The following SLC35F3 variants were observed in gnomAD, a reference collection of about 807,000 sequenced individuals.
The protein encoded by SLC35F3 is solute carrier family 35 member F3.
A neutral mutation model predicts 49.9 loss-of-function variants in SLC35F3; 25 were observed. That is an observed-to-expected ratio of 0.50 (90% confidence interval 0.37 to 0.70). The LOEUF (loss-of-function observed/expected upper bound fraction) is 0.70, where lower values mean the gene tolerates loss of function less well. Ranked by LOEUF, SLC35F3 falls within the 30% of genes least tolerant of loss-of-function variation. SLC35F3 has a pLI of 0.00. For missense variants in SLC35F3, 525 were observed against 639.8 expected, an observed-to-expected ratio of 0.82 and a Z score of 1.94; for synonymous variants, 275 against 265.4, an observed-to-expected ratio of 1.04 and a Z score of -0.35.
chr1:234,150,188 G>T (rs945977257), intron 2 of SLC35F3, among the ~76,000 whole-genome samples: 4 of 152,342 alleles, frequency 2.6e-5, no homozygotes, highest in Admixed American at 2.6e-4. Context: ...TTTAAATTGT[G>T]CTCAAATGGA....
intron 2 of SLC35F3, among the ~76,000 whole-genome samples, chr1:234,228,648 A>C (rs1376194386): frequency 6.6e-6 from 1 of 152,114 alleles, no homozygotes; most frequent in Non-Finnish European, 1.5e-5. Context: ...AAAGATAAAA[A>C]CACAGTGTGA....
chr1:234,150,963 CG>C (rs1028661936), intron 2 of SLC35F3, among the ~76,000 whole-genome samples: 2 of 152,120 alleles, frequency 1.3e-5, no homozygotes, highest in Non-Finnish European at 2.9e-5. Flanking sequence ...TTAAGAAGCA[CG>C]CTAAAACTGG....
chr1:234,214,519 G>A lies in SLC35F3; in HGVS notation c.284-16898G>A. The A allele has an allele frequency of 6.4e-7, 1 of 1,551,766 alleles. No individual in the cohort carries two copies. Among genetic ancestry groups the A allele is most frequent in the Non-Finnish European group, 8.7e-7 (1 of 1,151,304 alleles). On this transcript the variant is annotated intron_variant, in intron 2 of 7. Transcript: ENST00000366618. The surrounding 1 kb of genome is among the most constrained non-coding windows in gnomAD (Gnocchi z 8.0). ...TCATCATGAAGAAGCACTCGGCCCGGGTGGCCCCGCTCAGCGCCTGCAACA... is the reference window on the plus strand; with the variant it reads ...TCATCATGAAGAAGCACTCGGCCCGAGTGGCCCCGCTCAGCGCCTGCAACA...
At chr1:234,213,991 TC>T (rs2102941354) in intron 2 of SLC35F3, 1 of 165,124 alleles carries the variant, frequency 6.1e-6, no homozygotes, top group Non-Finnish European at 1.3e-5. Flanking sequence ...GTCAAGCACT[TC>T]CCTTTTTAAA....
chr1:234,243,238 C>G (rs1362695330), intron 3 of SLC35F3, among the ~76,000 whole-genome samples: 1 of 152,060 alleles, frequency 6.6e-6, no homozygotes, highest in Non-Finnish European at 1.5e-5. Context: ...ACCTGTAATT[C>G]CAGCTACTCG....
chr1:233,915,100 G>T lies in SLC35F3; in HGVS notation c.283+9342G>T, dbSNP rs533314982. ...ATATTCAGTGCAACTGCTCAGAACA[G>T]TTTTCTGGTTTTGAGAAATGTTTTC... is the stretch of plus-strand genomic sequence containing the variant. On this transcript the variant is annotated intron_variant, in intron 2 of 7. Coordinates refer to ENST00000366618, the MANE Select transcript of SLC35F3 (RefSeq NM_173508.4). Among the ~76,000 whole-genome samples the T allele has an allele frequency of 2.0e-4, 31 of 152,334 alleles. No individual in the cohort carries two copies. In the South Asian group the frequency reaches 6.4e-3, roughly 32 times the overall value.
At chr1:234,290,068 C>G (rs1483044586) in intron 3 of SLC35F3, among the ~76,000 whole-genome samples, 1 of 152,070 alleles carries the variant, frequency 6.6e-6, no homozygotes, top group Non-Finnish European at 1.5e-5. Flanking sequence ...ATGAGTTAAG[C>G]TATAAACCAG....
chr1:234,211,501 C>T (rs6699519), intron 2 of SLC35F3, among the ~76,000 whole-genome samples: 1 of 152,126 alleles, frequency 6.6e-6, no homozygotes, highest in African/African-American at 2.4e-5. Flanking sequence ...ACATGGGAAC[C>T]CCCCCCTTAC....
chr1:234,129,465 A>G (rs1030019540), intron 2 of SLC35F3, among the ~76,000 whole-genome samples: 1 of 152,226 alleles, frequency 6.6e-6, no homozygotes. Context: ...AAATGAAAAG[A>G]TACACCATGT....
At chr1:234,246,538 C>A (rs113218349) in intron 3 of SLC35F3, among the ~76,000 whole-genome samples, 1 of 152,222 alleles carries the variant, frequency 6.6e-6, no homozygotes, top group African/African-American at 2.4e-5. Flanking sequence ...AGCAAACACA[C>A]GATGTGTTTT....
chr1:233,934,198 A>C (rs1166392077), intron 2 of SLC35F3, among the ~76,000 whole-genome samples: 4 of 152,226 alleles, frequency 2.6e-5, no homozygotes, highest in African/African-American at 9.6e-5. Flanking sequence ...TATCCTACAC[A>C]TTAAAAGTGG....
rs190646594 is a variant in SLC35F3 at position 233,960,510 on chromosome 1, G to A, written c.283+54752G>A. On this transcript the variant is annotated intron_variant, in intron 2 of 7. Transcript: ENST00000366618. ...CTGGGCAGAAATCCTTTCTCTGTTC[G>A]CCTGGCAGATGGCTCTCTGGCTTTG... Among the ~76,000 whole-genome samples, 37 of 152,264 alleles carry A rather than the reference G, an allele frequency of 2.4e-4. No individual in the cohort carries two copies. In the East Asian group the frequency reaches 4.6e-3, roughly 19 times the overall value.
At chr1:234,070,752 G>A (rs1039606333) in intron 2 of SLC35F3, among the ~76,000 whole-genome samples, 7 of 79,930 alleles carry the variant, frequency 8.8e-5, no homozygotes, top group African/African-American at 3.4e-4. Flanking sequence ...TCTATTTCCT[G>A]CAGTTTTTTT....
At chr1:234,181,037 A>G (rs1666549230) in intron 2 of SLC35F3, among the ~76,000 whole-genome samples, 1 of 152,172 alleles carries the variant, frequency 6.6e-6, no homozygotes, top group African/African-American at 2.4e-5. Flanking sequence ...TTCTAAATGT[A>G]TGTATTTCTT....
intron 2 of SLC35F3, among the ~76,000 whole-genome samples, chr1:234,075,797 A>G (rs1664782342): frequency 6.6e-6 from 1 of 151,572 alleles, no homozygotes; most frequent in Non-Finnish European, 1.5e-5. Context: ...CTACAGATAA[A>G]AGGTTAAACA....
intron 2 of SLC35F3, among the ~76,000 whole-genome samples, chr1:233,912,568 A>G (rs1262721321): frequency 1.3e-5 from 2 of 152,256 alleles, no homozygotes; most frequent in African/African-American, 2.4e-5. Flanking sequence ...ATTAAATGAA[A>G]TACAGTAGTC....
intron 3 of SLC35F3, among the ~76,000 whole-genome samples, chr1:234,265,723 T>C (rs934377304): frequency 1.3e-5 from 2 of 152,112 alleles, no homozygotes; most frequent in African/African-American, 4.8e-5. Flanking sequence ...GACAGAAGCC[T>C]CCTGTCACTC....
At chr1:233,977,502 T>C (rs1438107914) in intron 2 of SLC35F3, among the ~76,000 whole-genome samples, 1 of 152,196 alleles carries the variant, frequency 6.6e-6, no homozygotes, top group East Asian at 1.9e-4. Context: ...GACAGGGAGC[T>C]GCACGTACAA....
At chr1:233,964,210 G>A (rs1662856361) in intron 2 of SLC35F3, among the ~76,000 whole-genome samples, 1 of 152,202 alleles carries the variant, frequency 6.6e-6, no homozygotes, top group Non-Finnish European at 1.5e-5. Context: ...AGGTGTGGAA[G>A]AGTGAAAATC....
Sources: gnomAD v4.1 joint callset for allele counts (sites outside exome capture counted in the v4.1 genomes callset) on GRCh38, gnomAD v4.1.1 for gene constraint, Gnocchi (gnomAD v3.1) non-coding constraint, MANE v1.5 for transcripts, NCBI Gene and HGNC (gene_info 2026-07-23, HGNC 2026-07-21) for gene names.